The following GRIK1 variants were observed in gnomAD, a reference collection of about 807,000 sequenced individuals.
GRIK1 encodes glutamate receptor ionotropic, kainate 1.
A neutral mutation model predicts 105.7 loss-of-function variants in GRIK1; 69 were observed. The observed-to-expected ratio is 0.65, with a 90% CI of 0.54 to 0.80. The LOEUF is 0.80. GRIK1 is among the 30% of genes least tolerant of loss of function. The probability of loss-of-function intolerance (pLI) is 0.00; values close to 1 mark genes in which losing one functional copy is unlikely to be tolerated. For synonymous variants in GRIK1, 438 were observed against 431.3 expected (o/e 1.02, Z -0.19); for missense variants, 1,109 against 1,167.3 (o/e 0.95, Z 0.73).
chr21:29,683,766 C>T (rs1408551522), intron 3 of GRIK1, among the ~76,000 whole-genome samples: 1 of 152,134 alleles, frequency 6.6e-6, no homozygotes, highest in Non-Finnish European at 1.5e-5. Context: ...TTAATCTAAA[C>T]CAAAAGTTGA....
chr21:29,601,635 T>C (rs1350532705), intron 7 of GRIK1, among the ~76,000 whole-genome samples: 2 of 152,216 alleles, frequency 1.3e-5, no homozygotes, highest in Non-Finnish European at 2.9e-5. Context: ...CCTTCAAGAT[T>C]GGCTTATTGT....
chr21:29,602,819 A>G (rs1278030102), intron 7 of GRIK1, among the ~76,000 whole-genome samples: 2 of 152,208 alleles, frequency 1.3e-5, no homozygotes, highest in Admixed American at 1.3e-4. Flanking sequence ...CTTTTGGGGA[A>G]TCATGGGGGT....
chr21:29,679,945 T>G (rs2063340212), intron 3 of GRIK1, among the ~76,000 whole-genome samples: 1 of 152,228 alleles, frequency 6.6e-6, no homozygotes, highest in South Asian at 2.1e-4. Flanking sequence ...GACATTTGAT[T>G]TAATTGAAAC....
At chr21:29,648,890 G>C (rs925428015) in intron 6 of GRIK1, among the ~76,000 whole-genome samples, 1 of 152,158 alleles carries the variant, frequency 6.6e-6, no homozygotes, top group Non-Finnish European at 1.5e-5. Flanking sequence ...TGAATGAAGG[G>C]CAGGGTCTGC....
At chr21:29,868,366 A>G (rs2068898203) in intron 1 of GRIK1, among the ~76,000 whole-genome samples, 1 of 152,184 alleles carries the variant, frequency 6.6e-6, no homozygotes, top group South Asian at 2.1e-4. Flanking sequence ...AGAAACTGTC[A>G]TTTAAAAACA....
chr21:29,629,019 T>C (rs1046433826), intron 7 of GRIK1, among the ~76,000 whole-genome samples: 1 of 152,188 alleles, frequency 6.6e-6, no homozygotes, highest in Non-Finnish European at 1.5e-5. Context: ...CCCTACTATA[T>C]GCAGGAAGAG....
chr21:29,605,803 CTTTG>C (rs947754192), intron 7 of GRIK1, among the ~76,000 whole-genome samples: 1 of 152,072 alleles, frequency 6.6e-6, no homozygotes, highest in African/African-American at 2.4e-5. Context: ...AGCCATTGTC[CTTTG>C]CCATACTGAA....
chr21:29,677,128 T>A (rs2063284613), intron 3 of GRIK1, among the ~76,000 whole-genome samples: 1 of 152,204 alleles, frequency 6.6e-6, no homozygotes, highest in Non-Finnish European at 1.5e-5. Context: ...TAATTTTTAT[T>A]GTTGTAGGTG....
intron 3 of GRIK1, among the ~76,000 whole-genome samples, chr21:29,676,047 C>T (rs1329742951): frequency 6.6e-6 from 1 of 152,138 alleles, no homozygotes; most frequent in South Asian, 2.1e-4. Flanking sequence ...CGTTAATAAA[C>T]ACACACCCCC....
At chr21:29,818,593 G>A (rs2067216828) in intron 1 of GRIK1, among the ~76,000 whole-genome samples, 1 of 152,066 alleles carries the variant, frequency 6.6e-6, no homozygotes, top group South Asian at 2.1e-4. Flanking sequence ...TATGGGAAAA[G>A]CTATTCCAAA....
intron 15 of GRIK1, among the ~76,000 whole-genome samples, chr21:29,557,022 ATCTC>A (rs2090274746): frequency 6.6e-6 from 1 of 152,186 alleles, no homozygotes; most frequent in South Asian, 2.1e-4. Flanking sequence ...TTTATTCTCT[ATCTC>A]CTAGTAATGC....
intron 1 of GRIK1, among the ~76,000 whole-genome samples, chr21:29,716,366 G>A (rs1241981058): frequency 1.3e-5 from 2 of 152,158 alleles, no homozygotes; most frequent in Non-Finnish European, 2.9e-5. Context: ...GGAACAGTGT[G>A]GAGGGCTTAG....
chr21:29,660,054 A>T lies in GRIK1; in HGVS notation c.727-5191T>A, dbSNP rs1601395565. On this transcript the variant is annotated intron_variant, in intron 4 of 17. Coordinates refer to ENST00000327783, the MANE Select transcript of GRIK1 (RefSeq NM_001330994.2). Reference sequence around the variant, plus strand: ...CTTGAAAGGACAATTCTAAGGCCCTACTGTTAACTGTTATCAATATATCCT... The same window carrying T: ...CTTGAAAGGACAATTCTAAGGCCCTTCTGTTAACTGTTATCAATATATCCT... Among the ~76,000 whole-genome samples, 5 of 152,184 alleles carry T rather than the reference A, an allele frequency of 3.3e-5. 1 individual carries two copies. In the South Asian group the frequency reaches 1.0e-3, roughly 31 times the overall value.
rs1163450207 is a variant in GRIK1, at chr21:29,789,891, GC to G, written c.119-95829del. ...AACTTTAAAAGGGTATTTGTAAAAT[GC>G]CTATAAAGTTTTAGTAAGAATTGAT... is the stretch of plus-strand genomic sequence containing the variant. On this transcript the variant is annotated intron_variant, in intron 1 of 17. Transcript: ENST00000327783. 3.3e-5 allele frequency among the ~76,000 whole-genome samples: 5 copies of G among 152,314 alleles called. No homozygotes were observed. In the South Asian group the frequency reaches 8.3e-4, roughly 25 times the overall value.
At chr21:29,766,008 C>A (rs951920216) in intron 1 of GRIK1, among the ~76,000 whole-genome samples, 6 of 151,958 alleles carry the variant, frequency 3.9e-5, no homozygotes, top group Admixed American at 1.3e-4. Context: ...CCCGCCACCA[C>A]GCCCGGCTAA....
At chr21:29,550,863 T>C (rs925287746) in intron 16 of GRIK1, among the ~76,000 whole-genome samples, 1 of 152,254 alleles carries the variant, frequency 6.6e-6, no homozygotes, top group Non-Finnish European at 1.5e-5. Flanking sequence ...TTCTATGCCA[T>C]GATTTTATTT....
At chr21:29,754,306 G>C (rs958523165) in intron 1 of GRIK1, among the ~76,000 whole-genome samples, 1 of 152,142 alleles carries the variant, frequency 6.6e-6, no homozygotes, top group African/African-American at 2.4e-5. Flanking sequence ...TGTACTTGGA[G>C]ATCGATGCTT....
At chr21:29,843,069 G>A (rs549979310) in intron 1 of GRIK1, among the ~76,000 whole-genome samples, 1 of 152,200 alleles carries the variant, frequency 6.6e-6, no homozygotes, top group South Asian at 2.1e-4. Context: ...CTCATGAATG[G>A]TATATGTTCA....
chr21:29,622,733 C>T (rs2062034914), intron 7 of GRIK1, among the ~76,000 whole-genome samples: 1 of 152,194 alleles, frequency 6.6e-6, no homozygotes, highest in South Asian at 2.1e-4. Flanking sequence ...TCTGTCTTAT[C>T]CAACCTTCCT....
Sources: gnomAD v4.1 joint callset for allele counts (sites outside exome capture counted in the v4.1 genomes callset) on GRCh38, gnomAD v4.1.1 for gene constraint, MANE v1.5 for transcripts, NCBI Gene and HGNC (gene_info 2026-07-23, HGNC 2026-07-21) for gene names.